ADGRB3: variants seen among roughly 807,000 people sequenced by gnomAD.
The protein encoded by ADGRB3 is brain-specific angiogenesis inhibitor 3.
Under a neutral mutation model 193.4 loss-of-function variants are expected in ADGRB3, and 37 were observed. The observed-to-expected ratio is 0.19, with a 90% CI of 0.15 to 0.25. The LOEUF (loss-of-function observed/expected upper bound fraction) is 0.25. Ranked by LOEUF, ADGRB3 falls within the 10% of genes least tolerant of loss-of-function variation. The pLI is 1.00. For synonymous variants in ADGRB3, 690 were observed against 644.2 expected, an observed-to-expected ratio of 1.07 and a Z score of -1.08; for missense variants, 1,637 against 1,852.9, an observed-to-expected ratio of 0.88 and a Z score of 2.14.
intron 17 of ADGRB3, among the ~76,000 whole-genome samples, chr6:69,205,793 C>T (rs889457760): frequency 1.3e-5 from 2 of 151,516 alleles, no homozygotes; most frequent in African/African-American, 4.8e-5. Flanking sequence ...AATTTTTTTA[C>T]ATTATTTTTA....
chr6:69,293,928 C>T lies in ADGRB3; in HGVS notation c.2815-30944C>T, dbSNP rs545049826. Among the ~76,000 whole-genome samples, 39 of 152,040 alleles carry T rather than the reference C, an allele frequency of 2.6e-4. No homozygotes were observed. In the South Asian group the frequency reaches 3.7e-3, roughly 15 times the overall value. ...AGGAACAGAGTAGGATTTTTTAAAA[C>T]GTGGAGCCCAGATCAGAGTTCCTCC... On this transcript the variant is annotated intron_variant, in intron 20 of 31. Coordinates refer to ENST00000370598, the MANE Select transcript of ADGRB3 (RefSeq NM_001704.3).
At chr6:68,887,354 T>C (rs1419282987) in intron 3 of ADGRB3, among the ~76,000 whole-genome samples, 4 of 152,194 alleles carry the variant, frequency 2.6e-5, no homozygotes, top group Non-Finnish European at 4.4e-5. Flanking sequence ...TGGCTTGCAT[T>C]TGAGGGGGAA....
At chr6:68,936,875 A>G (rs543690591) in intron 5 of ADGRB3, among the ~76,000 whole-genome samples, 195 bp downstream of exon 5, 5 of 152,376 alleles carry the variant, frequency 3.3e-5, no homozygotes, top group Admixed American at 6.5e-5. Flanking sequence ...CAAATTAGGT[A>G]AATGGCTCCT....
intron 13 of ADGRB3, among the ~76,000 whole-genome samples, chr6:69,040,307 C>CTCTCTCTTTCTTTCTTTCTT: frequency 2.1e-5 from 2 of 94,806 alleles, no homozygotes; most frequent in Non-Finnish European, 4.1e-5. Flanking sequence ...CTTTCTCTGT[C>CTCTCTCTTTCTTTCTTTCTT]TCTTTCTTTC....
intron 7 of ADGRB3, 103 bp from the exon 8 acceptor site, chr6:68,956,542 T>C: frequency 1.5e-6 from 2 of 1,369,614 alleles, no homozygotes; most frequent in African/African-American, 1.4e-5. Context: ...TTCACAGTAG[T>C]AGATTAACAA....
intron 20 of ADGRB3, among the ~76,000 whole-genome samples, chr6:69,324,176 A>C (rs1768519385): frequency 6.6e-6 from 1 of 152,158 alleles, no homozygotes; most frequent in Non-Finnish European, 1.5e-5. Flanking sequence ...AGTTACGTGA[A>C]GAAAAATATC....
chr6:68,843,788 G>C (rs1025399478), intron 3 of ADGRB3, among the ~76,000 whole-genome samples: 4 of 152,096 alleles, frequency 2.6e-5, no homozygotes, highest in African/African-American at 9.7e-5. Flanking sequence ...CAGAGCTATA[G>C]TAACCAAAAC....
intron 17 of ADGRB3, among the ~76,000 whole-genome samples, chr6:69,210,806 T>C (rs1765647381): frequency 6.6e-6 from 1 of 152,132 alleles, no homozygotes; most frequent in Admixed American, 6.6e-5. Flanking sequence ...CATTTTAATC[T>C]GCCTAGTCAA....
chr6:69,156,169 C>T (rs566850868), intron 17 of ADGRB3, among the ~76,000 whole-genome samples: 1 of 151,742 alleles, frequency 6.6e-6, no homozygotes, highest in African/African-American at 2.4e-5. Flanking sequence ...ATATGTTGGC[C>T]CTGTAATGGT....
rs191014281 is a variant in ADGRB3, at chr6:69,138,120, C to T, written c.2480+62082C>T. On this transcript the variant is annotated intron_variant, in intron 17 of 31. Coordinates refer to ENST00000370598, the MANE Select transcript of ADGRB3 (RefSeq NM_001704.3). ...ACATTCTGTTGTTAAAACTGTATCA[C>T]ACAAAACTATTCTTAACTTCAAGAA... Among the ~76,000 whole-genome samples the T allele has an allele frequency of 8.5e-5, 13 of 152,278 alleles. No homozygotes were observed. The East Asian group carries it at 2.5e-3, about 29-fold the overall frequency.
chr6:68,892,200 T>A lies in ADGRB3; in HGVS notation c.758-38359T>A, dbSNP rs566808706. 3.6e-3 allele frequency among the ~76,000 whole-genome samples: 549 copies of A among 152,304 alleles called. 4 individuals are homozygous for A. Among genetic ancestry groups the A allele is most frequent in the African/African-American group, 0.013 (526 of 41,572 alleles). Reference sequence around the variant, plus strand: ...GCCATCAAGTGTCATCTCTAAACTATAGTTTGGAACATCTCCTTCTGCTTA... The same window carrying A: ...GCCATCAAGTGTCATCTCTAAACTAAAGTTTGGAACATCTCCTTCTGCTTA... On this transcript the variant is annotated intron_variant, in intron 3 of 31. Transcript: ENST00000370598.
chr6:68,711,857 T>C (rs1765414196), intron 3 of ADGRB3, among the ~76,000 whole-genome samples: 1 of 152,070 alleles, frequency 6.6e-6, no homozygotes, highest in Non-Finnish European at 1.5e-5. Context: ...TAATCATAAT[T>C]AGCATGAAAA....
chr6:69,048,778 A>C (rs192757494), intron 14 of ADGRB3, among the ~76,000 whole-genome samples: 8 of 152,292 alleles, frequency 5.3e-5, no homozygotes, highest in African/African-American at 1.9e-4. Flanking sequence ...TAATCAGTAC[A>C]ACAAGCCCCC....
At chr6:68,945,425 T>C (rs1471152141) in intron 6 of ADGRB3, among the ~76,000 whole-genome samples, 1 of 152,132 alleles carries the variant, frequency 6.6e-6, no homozygotes, top group East Asian at 1.9e-4. Flanking sequence ...TCTCTCTCTA[T>C]AAACACACAG....
intron 20 of ADGRB3, among the ~76,000 whole-genome samples, chr6:69,319,796 C>A (rs1257992871): frequency 1.3e-5 from 2 of 151,260 alleles, no homozygotes; most frequent in East Asian, 3.9e-4. Context: ...TCTCTATTTT[C>A]CTGTGTCAGT....
intron 3 of ADGRB3, among the ~76,000 whole-genome samples, chr6:68,669,443 G>A (rs1210487619): frequency 6.6e-6 from 1 of 151,638 alleles, no homozygotes; most frequent in East Asian, 1.9e-4. Context: ...CTATGTCCGT[G>A]AGTTCAATTG....
At chr6:68,773,310 G>T (rs983635106) in intron 3 of ADGRB3, among the ~76,000 whole-genome samples, 5 of 152,080 alleles carry the variant, frequency 3.3e-5, no homozygotes, top group African/African-American at 1.2e-4. Flanking sequence ...CTGTTTAACA[G>T]AATGAATGCA....
At chr6:69,302,217 G>A (rs1767962557) in intron 20 of ADGRB3, among the ~76,000 whole-genome samples, 1 of 151,918 alleles carries the variant, frequency 6.6e-6, no homozygotes, top group African/African-American at 2.4e-5. Flanking sequence ...CTTTTTAAGT[G>A]CTCTAAGTGA....
chr6:69,044,483 A>G (rs1771183412), intron 13 of ADGRB3, among the ~76,000 whole-genome samples: 1 of 152,188 alleles, frequency 6.6e-6, no homozygotes, highest in South Asian at 2.1e-4. Flanking sequence ...AGAAGTGCTC[A>G]TTGGTTACCA....
Sources: gnomAD v4.1 joint callset for allele counts (sites outside exome capture counted in the v4.1 genomes callset) on GRCh38, gnomAD v4.1.1 for gene constraint, MANE v1.5 for transcripts, NCBI Gene and HGNC (gene_info 2026-07-23, HGNC 2026-07-21) for gene names.